The following ADGRG5 variants were observed in gnomAD, a reference collection of about 807,000 sequenced individuals.
ADGRG5 encodes G protein-coupled receptor 114.
Under a neutral mutation model 53.2 loss-of-function variants are expected in ADGRG5, and 37 were observed. The ratio of observed to expected loss-of-function variants is 0.70; its 90% CI spans 0.53 to 0.91. The LOEUF (loss-of-function observed/expected upper bound fraction) is 0.91, where lower values mean the gene tolerates loss of function less well. ADGRG5 is among the 40% of genes least tolerant of loss of function. The probability of loss-of-function intolerance (pLI) is 0.00; values close to 1 mark genes in which losing one functional copy is unlikely to be tolerated. For missense variants in ADGRG5, 614 were observed against 675.8 expected, an observed-to-expected ratio of 0.91 and a Z score of 1.01; for synonymous variants, 277 against 290.4, an observed-to-expected ratio of 0.95 and a Z score of 0.47.
chr16:57,548,158 G>A (rs2032663054), intron 1 of ADGRG5, among the ~76,000 whole-genome samples: 1 of 150,508 alleles, frequency 6.6e-6, no homozygotes, highest in Non-Finnish European at 1.5e-5. Context: ...GCAAACCATG[G>A]TGCCTGGCTA....
At chr16:57,570,174 C>T (rs1001803070) in intron 9 of ADGRG5, among the ~76,000 whole-genome samples, 4 of 152,196 alleles carry the variant, frequency 2.6e-5, no homozygotes, top group Non-Finnish European at 5.9e-5. Flanking sequence ...CCCACCACCA[C>T]CTTCCCAGTG....
At chr16:57,536,373 C>G in the ADGRG5 span, 1 of 152,304 alleles carries the variant, frequency 6.6e-6, no homozygotes, top group Non-Finnish European at 1.5e-5. Flanking sequence ...GCGGGCGCCC[C>G]GACTGTGTCT....
At chr16:57,556,908 C>CTTTTTTTTT (rs35948606) in intron 1 of ADGRG5, among the ~76,000 whole-genome samples, 37 of 115,744 alleles carry the variant, frequency 3.2e-4, no homozygotes, top group African/African-American at 9.8e-4. Context: ...TTGCCTTCTT[C>CTTTTTTTTT]TTTTTTTTTT....
At chr16:57,530,918 C>G in the ADGRG5 span, among the ~76,000 whole-genome samples, 1 of 151,944 alleles carries the variant, frequency 6.6e-6, no homozygotes, top group African/African-American at 2.4e-5. Context: ...GGTGTGCCCT[C>G]TGGACCCACC....
At chr16:57,543,788 T>TCCCTACA (rs1298382210) in intron 1 of ADGRG5, among the ~76,000 whole-genome samples, 2 of 152,126 alleles carry the variant, frequency 1.3e-5, no homozygotes, top group Non-Finnish European at 2.9e-5. Context: ...CCAAGCCTTG[T>TCCCTACA]GCTCAGATGT....
the ADGRG5 span, among the ~76,000 whole-genome samples, chr16:57,531,772 C>T: frequency 6.6e-6 from 1 of 152,184 alleles, no homozygotes; most frequent in Non-Finnish European, 1.5e-5. Flanking sequence ...TTCTCCCTTG[C>T]CAGCACCCTC....
chr16:57,549,896 A>G (rs1318015897), intron 1 of ADGRG5, among the ~76,000 whole-genome samples: 2 of 152,170 alleles, frequency 1.3e-5, no homozygotes, highest in Non-Finnish European at 2.9e-5. Flanking sequence ...GAAGGTGTGT[A>G]GTGATATCTG....
chr16:57,556,251 T>C (rs1487703569), intron 1 of ADGRG5, among the ~76,000 whole-genome samples: 2 of 152,228 alleles, frequency 1.3e-5, no homozygotes, highest in Non-Finnish European at 2.9e-5. Context: ...TTTGCTTTTA[T>C]AATCCAGTCA....
intron 1 of ADGRG5, among the ~76,000 whole-genome samples, chr16:57,546,104 G>C (rs1487028285): frequency 6.6e-6 from 1 of 152,168 alleles, no homozygotes; most frequent in Non-Finnish European, 1.5e-5. Context: ...GGGATTACAG[G>C]TGTGAGCCAC....
At chr16:57,533,214 G>A in the ADGRG5 span, among the ~76,000 whole-genome samples, 3 of 152,128 alleles carry the variant, frequency 2.0e-5, no homozygotes, top group Admixed American at 6.5e-5. Flanking sequence ...GCAGGAGCAC[G>A]GAAGTTTTGG....
upstream of ADGRG5, among the ~76,000 whole-genome samples, chr16:57,540,337 A>G (rs2032472258): frequency 6.6e-6 from 1 of 152,196 alleles, no homozygotes; most frequent in Non-Finnish European, 1.5e-5. Context: ...AGATGTGTAA[A>G]TGACTTTTTT....
At chr16:57,536,478 C>T in the ADGRG5 span, 1 of 152,224 alleles carries the variant, frequency 6.6e-6, no homozygotes, top group Non-Finnish European at 1.5e-5. Flanking sequence ...CTGCCGCCCC[C>T]CGGCCTGCCG....
the ADGRG5 span, among the ~76,000 whole-genome samples, chr16:57,530,159 C>T: frequency 1.3e-5 from 2 of 152,218 alleles, no homozygotes; most frequent in South Asian, 2.1e-4. Context: ...GATGTTCTCT[C>T]CCCTTCTCTG....
rs771754105 is a variant in ADGRG5 at position 57,575,932 on chromosome 16, A to T, written c.*394A>T. ...TATCCACAGCTGTGACATGGGGGCAAGCGGCTTTGTTTCAGCCTAACCCAG... is the reference window on the plus strand; with the variant it reads ...TATCCACAGCTGTGACATGGGGGCATGCGGCTTTGTTTCAGCCTAACCCAG... On this transcript the variant is annotated 3_prime_UTR_variant, in exon 12 of 12. Transcript: ENST00000349457. 2.8e-5 allele frequency: 5 copies of T among 177,684 alleles called. No individual in the cohort carries two copies. Among genetic ancestry groups the T allele is most frequent in the Non-Finnish European group, 4.9e-5 (4 of 82,222 alleles). 11.0% of individuals were successfully genotyped at this position (177,684 alleles called of 1,614,324 possible).
chr16:57,562,196 A>G, intron 2 of ADGRG5, 39 bp downstream of exon 2: 2 of 1,561,282 alleles, frequency 1.3e-6, no homozygotes, highest in Non-Finnish European at 1.7e-6. Flanking sequence ...GCCCTAGCCC[A>G]GTCGTGGGAC....
At chr16:57,535,296 C>T in the ADGRG5 span, among the ~76,000 whole-genome samples, 3 of 152,142 alleles carry the variant, frequency 2.0e-5, no homozygotes, top group Admixed American at 6.5e-5. Context: ...GGACCTAAGC[C>T]CAGGGGTAGG....
chr16:57,558,806 G>A (rs1305257982), intron 1 of ADGRG5, among the ~76,000 whole-genome samples: 1 of 151,262 alleles, frequency 6.6e-6, no homozygotes, highest in African/African-American at 2.4e-5. Context: ...GACACTAATG[G>A]GTTGCCTCTT....
intron 1 of ADGRG5, among the ~76,000 whole-genome samples, chr16:57,559,391 C>T (rs918211464): frequency 1.3e-5 from 2 of 152,186 alleles, no homozygotes; most frequent in Non-Finnish European, 2.9e-5. Flanking sequence ...ACCCTCAACC[C>T]TTGGCATGTC....
rs570246683 is a variant in ADGRG5, at chr16:57,575,041, G to A, written c.1435G>A (p.Val479Ile). ...TWALAFFSFGVFLLPQLFLFT... is the reference protein window; with the variant it reads ...TWALAFFSFGIFLLPQLFLFT... Reference sequence around the variant, plus strand: ...GGCCTTGGCCTTCTTTTCTTTTGGCGTCTTCCTGCTGCCCCAGCTGTTCCT... The same window carrying A: ...GGCCTTGGCCTTCTTTTCTTTTGGCATCTTCCTGCTGCCCCAGCTGTTCCT... Residue 479 changes from valine to isoleucine, a missense_variant, in exon 11 of 12, where the codon GTC (valine) becomes ATC (isoleucine). Val to Ile is a conservative substitution (Grantham distance 29). Coordinates refer to ENST00000349457, the MANE Select transcript of ADGRG5 (RefSeq NM_001304376.3). 1.7e-5 allele frequency: 28 copies of A among 1,613,948 alleles called. No homozygotes were observed. Among genetic ancestry groups the A allele is most frequent in the South Asian group, 7.7e-5 (7 of 91,084 alleles).
Sources: allele counts gnomAD v4.1 joint callset (sites outside exome capture counted in the v4.1 genomes callset), GRCh38; gene constraint gnomAD v4.1.1; transcripts MANE v1.5; gene names NCBI Gene and HGNC (gene_info 2026-07-23, HGNC 2026-07-21).